Variants in PARP4 observed in about 807,000 individuals in gnomAD.
PARP4 encodes the protein protein mono-ADP-ribosyltransferase PARP4.
A neutral mutation model predicts 187.7 loss-of-function variants in PARP4; 120 were observed. The observed-to-expected ratio is 0.64, with a 90% CI of 0.55 to 0.74. The LOEUF is 0.74. PARP4 is among the 30% of genes least tolerant of loss of function. The pLI is 0.00. For missense variants in PARP4, 1,836 were observed against 2,070.5 expected (o/e 0.89, Z 2.20); for synonymous variants, 654 against 740.9 (o/e 0.88, Z 1.90).
intron 3 of PARP4, 72 bp from the exon 4 acceptor site, chr13:24,500,454 G>A (rs1029385178): frequency 1.7e-5 from 16 of 936,806 alleles, no homozygotes; most frequent in Non-Finnish European, 2.5e-5. Flanking sequence ...CCTAAGTGCT[G>A]GAATTGTTAA....
chr13:24,486,582 A>T (rs1873568705), intron 10 of PARP4, among the ~76,000 whole-genome samples: 1 of 152,266 alleles, frequency 6.6e-6, no homozygotes, highest in South Asian at 2.1e-4. Flanking sequence ...TGTCAAATAA[A>T]CAATAGTATA....
intron 17 of PARP4, among the ~76,000 whole-genome samples, chr13:24,463,936 A>T (rs7318229): frequency 0.51 from 77,373 of 152,006 alleles, 20,022 homozygotes; most frequent in South Asian, 0.65. Flanking sequence ...GCTGATAAGC[A>T]ACTTCAGCAA....
intron 22 of PARP4, among the ~76,000 whole-genome samples, chr13:24,454,518 T>C (rs1871716780): frequency 6.6e-6 from 1 of 152,166 alleles, no homozygotes; most frequent in South Asian, 2.1e-4. Context: ...CTTCTAGCAG[T>C]GCTGGCCCGA....
chr13:24,505,177 G>A (rs1205273273), intron 1 of PARP4, among the ~76,000 whole-genome samples: 2 of 152,032 alleles, frequency 1.3e-5, no homozygotes, highest in African/African-American at 2.4e-5. Context: ...AAAGAGAGAG[G>A]AGACAGAGCT....
intron 20 of PARP4, among the ~76,000 whole-genome samples, chr13:24,458,796 G>A (rs944258734): frequency 7.9e-5 from 12 of 151,996 alleles, no homozygotes; most frequent in African/African-American, 2.7e-4. Context: ...TGAAACAGGC[G>A]AAATCAAGAA....
intron 1 of PARP4, among the ~76,000 whole-genome samples, chr13:24,505,194 C>T (rs1869556365): frequency 6.6e-6 from 1 of 151,992 alleles, no homozygotes. Context: ...AGCTAGAGAG[C>T]GCGAGCTTGA....
rs1872072662 is a variant in PARP4 at position 24,459,481 on chromosome 13, A to T, written c.2299-171T>A. On this transcript the variant is annotated intron_variant, in intron 18 of 33. Transcript: ENST00000381989. ...ATGGAATGACAGGAACTTCTAAAAT[A>T]CAACTCACCATTTTGACAGAGATTT... 7.1e-6 allele frequency: 4 copies of T among 562,342 alleles called. No individual in the cohort carries two copies. In the East Asian group the frequency reaches 1.2e-4, roughly 17 times the overall value. 34.8% of individuals were successfully genotyped at this position (562,342 alleles called of 1,614,324 possible). A position where few individuals can be genotyped will look rare whatever the true frequency, so the allele number is the denominator to read the frequency against.
intron 12 of PARP4, among the ~76,000 whole-genome samples, chr13:24,480,258 G>A (rs1873206560): frequency 6.6e-6 from 1 of 152,206 alleles, no homozygotes; most frequent in African/African-American, 2.4e-5. Context: ...AATGTTTTGT[G>A]TGTTCTGACT....
intron 32 of PARP4, among the ~76,000 whole-genome samples, chr13:24,427,735 T>C (rs1332943856): frequency 6.6e-6 from 1 of 152,092 alleles, no homozygotes; most frequent in Non-Finnish European, 1.5e-5. Flanking sequence ...ATGTTCTTAA[T>C]AGAGGAAAAA....
chr13:24,460,080 T>C lies in PARP4; in HGVS notation c.2190A>G (p.Lys730=). The change falls in exon 18 of 34, where the codon AAA becomes AAG. Residue 730 remains lysine (K), a synonymous_variant. Transcript: ENST00000381989. ...NLPPKAKVLI[K]ITYITELSIL... is the part of the protein sequence containing the mutation. ...TGCTGAGTTCTGTGATGTAGGTAAT[T>C]TTTATAAGAACCTTAGCCTTAGGGG... is the stretch of plus-strand genomic sequence containing the variant. 1.2e-6 allele frequency: 2 copies of C among 1,614,042 alleles called. No homozygotes were observed. Among genetic ancestry groups the C allele is most frequent in the Non-Finnish European group, 1.7e-6 (2 of 1,179,964 alleles).
At chr13:24,429,648 A>G (rs1870235063) in intron 32 of PARP4, among the ~76,000 whole-genome samples, 1 of 152,186 alleles carries the variant, frequency 6.6e-6, no homozygotes, top group Admixed American at 6.5e-5. Context: ...CTTGAACTCT[A>G]AACTCTGGCC....
Position 24,501,803 on chromosome 13 carries a change from A to G in PARP4, c.164T>C (p.Val55Ala). ...AGAATTCAGTTGGTACTGACTCAGAACATCAGCATTATCTAAGATTATATG... is the reference window on the plus strand; with the variant it reads ...AGAATTCAGTTGGTACTGACTCAGAGCATCAGCATTATCTAAGATTATATG... Reference protein sequence around the residue: ...CTHIILDNADVLSQYQLNSIQ... With the variant: ...CTHIILDNADALSQYQLNSIQ... Residue 55 changes from valine to alanine, a missense_variant, in exon 3 of 34, where the codon GTT (valine) becomes GCT (alanine). Around this residue, in one of 8 missense-constraint regions of PARP4, gnomAD observed 1,147 missense variants for 1,214.2 expected, o/e 0.94. Transcript: ENST00000381989. 1 of 1,612,282 alleles carries G rather than the reference A, an allele frequency of 6.2e-7. No individual in the cohort carries two copies. Among genetic ancestry groups the G allele is most frequent in the Non-Finnish European group, 8.5e-7 (1 of 1,178,338 alleles).
chr13:24,455,109 C>T lies in PARP4; in HGVS notation c.2666G>A (p.Gly889Asp). The stretch of plus-strand genomic sequence containing the variant: ...TTGCTTGGCTTGCAAGAATGTCACA[C>T]CCTCCATGGAACTGGAGCAGTCAAG... ...ICLDCSSSME[G>D]VTFLQAKQIA... The change falls in exon 22 of 34, where the codon GGT (glycine) becomes GAT (aspartate). Residue 889 changes from glycine to aspartate, a missense_variant. Physicochemically the swap from Gly to Asp is moderately conservative, Grantham distance 94 (BLOSUM62 -1). This residue lies in a region of PARP4 where 1,147 missense variants were observed against 1,214.2 expected (regional missense o/e 0.94). Coordinates refer to ENST00000381989, the MANE Select transcript of PARP4 (RefSeq NM_006437.4). 6.2e-7 allele frequency: 1 copy of T among 1,613,456 alleles called. No individual in the cohort carries two copies. The highest frequency in any genetic ancestry group is 8.5e-7 in the Non-Finnish European group (1 of 1,179,472).
intron 1 of PARP4, among the ~76,000 whole-genome samples, chr13:24,511,013 C>A (rs1191956773): frequency 6.6e-6 from 1 of 152,196 alleles, no homozygotes; most frequent in African/African-American, 2.4e-5. Context: ...GTCACAAACT[C>A]CTGGGCTCAA....
chr13:24,428,969 A>C (rs181069685), intron 32 of PARP4, among the ~76,000 whole-genome samples: 4 of 152,188 alleles, frequency 2.6e-5, no homozygotes, highest in African/African-American at 9.6e-5. Context: ...AAACCTTTTG[A>C]TATCATTCCA....
chr13:24,437,052 G>A (rs1870671523), intron 30 of PARP4, among the ~76,000 whole-genome samples: 1 of 152,082 alleles, frequency 6.6e-6, no homozygotes, highest in Non-Finnish European at 1.5e-5. Context: ...AATTATAGTA[G>A]ACGAATCAAT....
intron 12 of PARP4, among the ~76,000 whole-genome samples, chr13:24,483,686 G>C (rs1873398762): frequency 1.3e-5 from 2 of 151,934 alleles, no homozygotes; most frequent in African/African-American, 4.8e-5. Context: ...GAGTGCAGTG[G>C]CACCATCTCA....
In PARP4 at chr13:24,492,475, T is replaced by C. The variant is rs1395780990; in HGVS notation, c.999A>G (p.Thr333=). Residue 333 remains threonine (T), a synonymous_variant, in exon 9 of 34, where the codon ACA becomes ACG. Transcript: ENST00000381989. ...GTCCCAGGTTCACTTCTTTGGGCAT[T>C]GTGCCTTTGTGAGGTATCAGTCTGT... ...EFYRLIPHKG[T]MPKEVNLGLL... is the part of the protein sequence containing the mutation. 6.2e-7 allele frequency: 1 copy of C among 1,614,120 alleles called. No individual in the cohort carries two copies. Among genetic ancestry groups the C allele is most frequent in the Non-Finnish European group, 8.5e-7 (1 of 1,179,964 alleles).
chr13:24,443,653 A>G lies in PARP4; in HGVS notation c.3444T>C (p.His1148=), dbSNP rs140949392. The change falls in exon 28 of 34, where the codon CAT becomes CAC. Residue 1148 remains histidine, a synonymous_variant. Coordinates refer to ENST00000381989, the MANE Select transcript of PARP4 (RefSeq NM_006437.4). Reference sequence around the variant, plus strand: ...TTTTACAATGAAAAGAACAAACCTCATGACTGGTTTCATTTTCGTGAAGAA... The same window carrying G: ...TTTTACAATGAAAAGAACAAACCTCGTGACTGGTTTCATTTTCGTGAAGAA... ...DGILHENETS[H]EMKKQTLKSL... is the part of the protein sequence containing the mutation. The G allele has an allele frequency of 2.9e-5, 46 of 1,598,282 alleles. No homozygotes were observed. The African/African-American group carries it at 5.4e-4, about 19-fold the overall frequency.
Sources: allele counts gnomAD v4.1 joint callset (sites outside exome capture counted in the v4.1 genomes callset), GRCh38; gene constraint gnomAD v4.1.1; regional missense constraint gnomAD v4.1.1; transcripts MANE v1.5; gene names NCBI Gene and HGNC (gene_info 2026-07-23, HGNC 2026-07-21).